NYAP2: variants seen among roughly 807,000 people sequenced by gnomAD.
NYAP2 encodes the protein neuronal tyrosine-phosphorylated phosphoinositide-3-kinase adapter 2.
NYAP2 carries 23 observed loss-of-function variants against 50.4 expected under a neutral mutation model. The observed-to-expected ratio is 0.46, with a 90% CI of 0.33 to 0.65. The LOEUF (loss-of-function observed/expected upper bound fraction) is 0.65, where lower values mean the gene tolerates loss of function less well. Ranked by LOEUF, NYAP2 falls within the 30% of genes least tolerant of loss-of-function variation. The pLI, the probability that NYAP2 is intolerant of heterozygous loss-of-function variation, is 0.02. For synonymous variants in NYAP2, 394 were observed against 365.2 expected (o/e 1.08, Z -0.90); for missense variants, 885 against 861.0 (o/e 1.03, Z -0.35).
At position 225,428,845 on chromosome 2, in the gene NYAP2, C is replaced by A. The variant is rs145980432; in HGVS notation, c.221+19744C>A. ...TCTGGAAATTCTTAAAGTTCTGGGACAGCTAGTTTTTAAAAATTTGCATTA... is the reference window on the plus strand; with the variant it reads ...TCTGGAAATTCTTAAAGTTCTGGGAAAGCTAGTTTTTAAAAATTTGCATTA... On this transcript the variant is annotated intron_variant, in intron 3 of 6. Transcript: ENST00000636099. Among the ~76,000 whole-genome samples the A allele has an allele frequency of 7.9e-3, 1,196 of 152,246 alleles. 20 individuals carry two copies. Among genetic ancestry groups the A allele is most frequent in the African/African-American group, 0.027 (1,115 of 41,526 alleles).
intron 4 of NYAP2, among the ~76,000 whole-genome samples, chr2:225,520,898 C>T (rs1437586658): frequency 3.9e-5 from 6 of 151,962 alleles, no homozygotes; most frequent in Non-Finnish European, 8.8e-5. Context: ...ATTCTTCCTA[C>T]CCATGAGCAT....
chr2:225,627,046 C>A, exon 6 of NYAP2: 1 of 1,597,340 alleles, frequency 6.3e-7, no homozygotes, highest in Non-Finnish European at 8.5e-7. Flanking sequence ...TGGGATGGAA[C>A]ACCAGGGACA....
chr2:225,665,975 C>T, the NYAP2 span, among the ~76,000 whole-genome samples: 1 of 151,788 alleles, frequency 6.6e-6, no homozygotes, highest in African/African-American at 2.4e-5. Context: ...AGTGGCTAGA[C>T]CTGGGGAAAA....
intron 3 of NYAP2, among the ~76,000 whole-genome samples, chr2:225,459,484 G>C (rs1362399536): frequency 6.6e-6 from 1 of 152,060 alleles, no homozygotes; most frequent in African/African-American, 2.4e-5. Context: ...GTTGAACTAT[G>C]TCTGCAGACT....
At chr2:225,434,729 CAT>C (rs1689347104) in intron 3 of NYAP2, among the ~76,000 whole-genome samples, 1 of 152,132 alleles carries the variant, frequency 6.6e-6, no homozygotes, top group African/African-American at 2.4e-5. Flanking sequence ...GTAGATGATA[CAT>C]GTTTCTATAT....
At chr2:225,698,578 T>C in the NYAP2 span, 1 of 152,300 alleles carries the variant, frequency 6.6e-6, no homozygotes, top group Non-Finnish European at 1.5e-5. Flanking sequence ...CTACATTTCT[T>C]AATATGAAGA....
At chr2:225,541,319 C>T (rs547372167) in intron 4 of NYAP2, among the ~76,000 whole-genome samples, 1 of 152,096 alleles carries the variant, frequency 6.6e-6, no homozygotes, top group African/African-American at 2.4e-5. Context: ...TCCATTTTTG[C>T]TTTAGTTGCC....
chr2:225,524,851 TA>T (rs1284869547), intron 4 of NYAP2, among the ~76,000 whole-genome samples: 10 of 152,202 alleles, frequency 6.6e-5, no homozygotes, highest in Admixed American at 5.2e-4. Flanking sequence ...GAAAAAGGCT[TA>T]ATATCCAGAA....
intron 3 of NYAP2, among the ~76,000 whole-genome samples, chr2:225,415,935 G>A (rs1695115435): frequency 6.6e-6 from 1 of 152,034 alleles, no homozygotes; most frequent in Admixed American, 6.6e-5. Context: ...CAAATCTGCA[G>A]CATGTCAGGG....
intron 4 of NYAP2, among the ~76,000 whole-genome samples, chr2:225,570,794 C>G (rs1692056070): frequency 6.6e-6 from 1 of 152,230 alleles, no homozygotes; most frequent in Admixed American, 6.5e-5. Context: ...GCCTTCCCAA[C>G]AGTCCCCCAA....
At chr2:225,573,503 G>C (rs1048120865) in intron 4 of NYAP2, among the ~76,000 whole-genome samples, 3 of 152,086 alleles carry the variant, frequency 2.0e-5, no homozygotes, top group Non-Finnish European at 4.4e-5. Context: ...ACCTGCCTCA[G>C]TCCCCCAAAG....
At chr2:225,568,343 T>C (rs904219221) in intron 4 of NYAP2, among the ~76,000 whole-genome samples, 4 of 152,176 alleles carry the variant, frequency 2.6e-5, no homozygotes, top group Non-Finnish European at 5.9e-5. Context: ...TTTTTCCACA[T>C]GGATAATGTT....
exon 3 of NYAP2, chr2:225,408,873 C>G (rs756609095): frequency 4.4e-6 from 7 of 1,588,446 alleles, no homozygotes; most frequent in Non-Finnish European, 3.5e-6. Flanking sequence ...GGCAGTGTTC[C>G]TCTTTACATG....
At chr2:225,617,008 A>G (rs1693001652) in intron 5 of NYAP2, among the ~76,000 whole-genome samples, 1 of 152,210 alleles carries the variant, frequency 6.6e-6, no homozygotes, top group African/African-American at 2.4e-5. Context: ...TGAAGCAACA[A>G]CTTGGAAGCA....
At chr2:225,699,854 A>G in the NYAP2 span, 1 of 151,938 alleles carries the variant, frequency 6.6e-6, no homozygotes, top group Non-Finnish European at 1.5e-5. Context: ...AGAACTTGTT[A>G]GTTGAATATA....
chr2:225,585,923 A>G (rs957892917), intron 5 of NYAP2, among the ~76,000 whole-genome samples: 4 of 152,162 alleles, frequency 2.6e-5, no homozygotes, highest in Non-Finnish European at 5.9e-5. Flanking sequence ...GGTTTTGTGG[A>G]CCTGTTGATA....
intron 3 of NYAP2, among the ~76,000 whole-genome samples, chr2:225,457,170 C>T (rs1297858647): frequency 6.6e-6 from 1 of 152,164 alleles, no homozygotes; most frequent in Non-Finnish European, 1.5e-5. Flanking sequence ...ATGCAATGTA[C>T]ATCCTGTGCT....
At chr2:225,528,070 G>A (rs1247657929) in intron 4 of NYAP2, among the ~76,000 whole-genome samples, 1 of 152,106 alleles carries the variant, frequency 6.6e-6, no homozygotes, top group African/African-American at 2.4e-5. Context: ...TCATATTCAT[G>A]GTCCTGCTTC....
chr2:225,620,395 GCA>G (rs1388444983), intron 5 of NYAP2, among the ~76,000 whole-genome samples: 1 of 149,370 alleles, frequency 6.7e-6, no homozygotes, highest in Non-Finnish European at 1.5e-5. Context: ...ACGCACGCAC[GCA>G]CACACGCGCA....
Sources: allele counts gnomAD v4.1 joint callset (sites outside exome capture counted in the v4.1 genomes callset), GRCh38; gene constraint gnomAD v4.1.1; transcripts MANE v1.5; gene names NCBI Gene and HGNC (gene_info 2026-07-23, HGNC 2026-07-21).